The following IQCH variants were observed in gnomAD, a reference collection of about 807,000 sequenced individuals.
IQCH encodes IQ domain-containing protein H.
IQCH carries 98 observed loss-of-function variants against 117.0 expected under a neutral mutation model. That is an observed-to-expected ratio of 0.84 (90% CI 0.71 to 0.99). The LOEUF (loss-of-function observed/expected upper bound fraction) is 0.99, where lower values mean the gene tolerates loss of function less well. Ranked by LOEUF, IQCH falls within the 50% of genes least tolerant of loss-of-function variation. IQCH has a pLI of 0.00. For synonymous variants in IQCH, 412 were observed against 448.2 expected (o/e 0.92, Z 1.02); for missense variants, 1,102 against 1,243.8 (o/e 0.89, Z 1.72).
At chr15:67,331,193 A>C (rs1009185750) in intron 4 of IQCH, among the ~76,000 whole-genome samples, 2 of 152,166 alleles carry the variant, frequency 1.3e-5, no homozygotes, top group African/African-American at 4.8e-5. Flanking sequence ...AAAGCAAGGG[A>C]GGGGAAATGG....
intron 6 of IQCH, among the ~76,000 whole-genome samples, chr15:67,346,139 A>T (rs1266638488): frequency 2.6e-5 from 4 of 152,342 alleles, no homozygotes; most frequent in African/African-American, 9.6e-5. Context: ...AAGACACATT[A>T]ACAGGAATAA....
At chr15:67,295,249 C>T (rs919094963) in intron 4 of IQCH, among the ~76,000 whole-genome samples, 1 of 152,276 alleles carries the variant, frequency 6.6e-6, no homozygotes, top group Non-Finnish European at 1.5e-5. Flanking sequence ...GTATTCCTCT[C>T]CCTCTTTCTT....
rs1459254826 is a variant in IQCH, at chr15:67,466,308, G to C, written c.2676+1011G>C. Among the ~76,000 whole-genome samples, 1 of 152,226 alleles carries C rather than the reference G, an allele frequency of 6.6e-6. No homozygotes were observed. The highest frequency in any genetic ancestry group is 1.5e-5 in the Non-Finnish European group (1 of 68,042). The stretch of plus-strand genomic sequence containing the variant: ...GGGACCAGATGCCCTTTGTGCAAGA[G>C]TGTATTGGGGACTCTCTGGCCACGG... On this transcript the variant is annotated intron_variant, in intron 17 of 20. Transcript: ENST00000335894. This position sits in a 1 kb window ranked among gnomAD's most constrained non-coding sequence, Gnocchi z 4.4.
chr15:67,360,257 G>A (rs1056061769), intron 8 of IQCH, among the ~76,000 whole-genome samples: 2 of 152,128 alleles, frequency 1.3e-5, no homozygotes, highest in Admixed American at 6.6e-5. Context: ...TTGTCCCCCA[G>A]CACGTGCTTA....
intron 16 of IQCH, among the ~76,000 whole-genome samples, chr15:67,464,080 C>T (rs1303568983): frequency 1.3e-5 from 2 of 152,188 alleles, no homozygotes; most frequent in African/African-American, 2.4e-5. Flanking sequence ...CCTCCCACCT[C>T]GGCCTCCCAA....
intron 6 of IQCH, among the ~76,000 whole-genome samples, chr15:67,355,607 A>G (rs1387697837): frequency 6.6e-6 from 1 of 151,988 alleles, no homozygotes; most frequent in Non-Finnish European, 1.5e-5. Flanking sequence ...AAAAAAAATT[A>G]GTAATAACTA....
chr15:67,269,977 T>C (rs1025915506), intron 3 of IQCH, among the ~76,000 whole-genome samples: 1 of 152,212 alleles, frequency 6.6e-6, no homozygotes, highest in Non-Finnish European at 1.5e-5. Flanking sequence ...ATATACTGGT[T>C]TCCTTTCTTT....
chr15:67,314,484 GA>G (rs11343033), intron 4 of IQCH, among the ~76,000 whole-genome samples: 87,344 of 136,024 alleles, frequency 0.64, 28,029 homozygotes, highest in Middle Eastern at 0.81. Flanking sequence ...TGTGCTAAAT[GA>G]AAAAAAAAAA....
At chr15:67,363,604 G>T (rs561939091) in intron 8 of IQCH, among the ~76,000 whole-genome samples, 3 of 152,096 alleles carry the variant, frequency 2.0e-5, no homozygotes, top group Non-Finnish European at 4.4e-5. Flanking sequence ...TGTTACATAG[G>T]TATTAATAAG....
chr15:67,303,400 A>G (rs1053614684), intron 4 of IQCH, among the ~76,000 whole-genome samples: 1 of 152,162 alleles, frequency 6.6e-6, no homozygotes, highest in African/African-American at 2.4e-5. Context: ...ACTGAATTGT[A>G]CACTTTAAAG....
chr15:67,389,536 C>G (rs1467183585), intron 12 of IQCH, among the ~76,000 whole-genome samples: 1 of 151,682 alleles, frequency 6.6e-6, no homozygotes, highest in Admixed American at 6.6e-5. Flanking sequence ...TGAGTGGAAT[C>G]CTATTCCTAG....
intron 4 of IQCH, among the ~76,000 whole-genome samples, chr15:67,298,028 G>T (rs1049017419): frequency 6.6e-6 from 1 of 152,198 alleles, no homozygotes; most frequent in East Asian, 1.9e-4. Flanking sequence ...GGCAAAAGAG[G>T]CTGGGCACAG....
At chr15:67,289,994 A>G (rs58152632) in intron 4 of IQCH, among the ~76,000 whole-genome samples, 2,188 of 152,200 alleles carry the variant, frequency 0.014, 54 homozygotes, top group African/African-American at 0.046. Flanking sequence ...CAGCATCATG[A>G]TGACAGACTG....
In IQCH at chr15:67,413,621, C is replaced by T. The variant is rs1420208046; in HGVS notation, c.2098-3310C>T. ...TATAATCCTTGTTTTTCCCATCAGACACTTTCAAAATAAAGAAATAAATTA... is the reference window on the plus strand; with the variant it reads ...TATAATCCTTGTTTTTCCCATCAGATACTTTCAAAATAAAGAAATAAATTA... On this transcript the variant is annotated intron_variant, in intron 14 of 20. Coordinates refer to ENST00000335894, the MANE Select transcript of IQCH (RefSeq NM_001031715.3). The surrounding 1 kb of genome is among the most constrained non-coding windows in gnomAD (Gnocchi z 5.0). 6.6e-6 allele frequency: 1 copy of T among 152,146 alleles called. No homozygotes were observed. The highest frequency in any genetic ancestry group is 1.5e-5 in the Non-Finnish European group (1 of 68,022). 9.4% of individuals were successfully genotyped at this position (152,146 alleles called of 1,614,324 possible). A position where few individuals can be genotyped will look rare whatever the true frequency, so the allele number is the denominator to read the frequency against.
chr15:67,450,587 T>C (rs999929147), intron 16 of IQCH, among the ~76,000 whole-genome samples: 1 of 152,194 alleles, frequency 6.6e-6, no homozygotes, highest in African/African-American at 2.4e-5. Flanking sequence ...TTGATCATGG[T>C]GGATAAGCTT....
At chr15:67,361,484 A>T (rs1385666466) in intron 8 of IQCH, among the ~76,000 whole-genome samples, 1 of 152,246 alleles carries the variant, frequency 6.6e-6, no homozygotes, top group Non-Finnish European at 1.5e-5. Flanking sequence ...TTTTATAAAT[A>T]TCAATCATTT....
chr15:67,457,292 A>G lies in IQCH; in HGVS notation c.2506-7835A>G, dbSNP rs764187596. Among the ~76,000 whole-genome samples the G allele has an allele frequency of 2.0e-5, 3 of 152,276 alleles. No individual in the cohort carries two copies. The highest frequency in any genetic ancestry group is 2.9e-5 in the Non-Finnish European group (2 of 68,042). Reference sequence around the variant, plus strand: ...GGGTGTACCAACTCCTTTAAAATTAAGCATGAGGTGTGTTGTTTACCACAA... The same window carrying G: ...GGGTGTACCAACTCCTTTAAAATTAGGCATGAGGTGTGTTGTTTACCACAA... On this transcript the variant is annotated intron_variant, in intron 16 of 20. Transcript: ENST00000335894. The surrounding 1 kb of genome is among the most constrained non-coding windows in gnomAD (Gnocchi z 5.7).
In IQCH at chr15:67,475,785, C is replaced by A. The variant is rs763963892; in HGVS notation, c.2766C>A (p.Ile922=). ...TTTTCCACTATGTTTTTCTCCAGAT[C>A]TGTAGGGCCCATGGCATTGGCTATG... ...SLVFHYVFLQ[I]CRAHGIGYDV... Residue 922 remains isoleucine, a synonymous_variant, in exon 18 of 21, where the codon ATC becomes ATA. Transcript: ENST00000335894. The surrounding 1 kb of genome is among the most constrained non-coding windows in gnomAD (Gnocchi z 5.7). 3.7e-6 allele frequency: 6 copies of A among 1,614,018 alleles called. No individual in the cohort carries two copies. The Admixed American group carries it at 1.0e-4, about 27-fold the overall frequency.
intron 14 of IQCH, among the ~76,000 whole-genome samples, chr15:67,410,317 A>G (rs1489835578): frequency 6.6e-6 from 1 of 152,264 alleles, no homozygotes; most frequent in African/African-American, 2.4e-5. Flanking sequence ...TAAAAATTCA[A>G]ACATTGGTCT....
Sources: allele counts gnomAD v4.1 joint callset (sites outside exome capture counted in the v4.1 genomes callset), GRCh38; gene constraint gnomAD v4.1.1; non-coding constraint Gnocchi (gnomAD v3.1); transcripts MANE v1.5; gene names NCBI Gene and HGNC (gene_info 2026-07-23, HGNC 2026-07-21).